MAGI2: variants seen among roughly 807,000 people sequenced by gnomAD.
The protein encoded by MAGI2 is membrane-associated guanylate kinase, WW and PDZ domain-containing protein 2.
In MAGI2, 35 loss-of-function variants were observed where a neutral mutation model predicts 133.3. That is an observed-to-expected ratio of 0.26 (90% confidence interval 0.20 to 0.35). MAGI2 has a LOEUF of 0.35. Ranked by LOEUF, MAGI2 falls within the 10% of genes least tolerant of loss-of-function variation. The pLI is 1.00. For synonymous variants in MAGI2, 729 were observed against 710.6 expected, an observed-to-expected ratio of 1.03 and a Z score of -0.41; for missense variants, 1,636 against 1,863.4, an observed-to-expected ratio of 0.88 and a Z score of 2.25.
At chr7:78,831,857 C>A (rs767980543) in intron 2 of MAGI2, among the ~76,000 whole-genome samples, 2 of 152,122 alleles carry the variant, frequency 1.3e-5, no homozygotes, top group Non-Finnish European at 2.9e-5. Context: ...ACACTTTAAA[C>A]ACTCTCTGAA....
rs1306144777 is a variant in MAGI2, at chr7:78,019,431, G to A, written c.4252C>T (p.Pro1418Ser). ...TTGCGCGCCGGGGCGCCCCCCGGGG[G>A]TCGCGGGCCCGGCCGGGGACCCGCG... ...ARAGPRPGPR[P>S]PGGAPARKAA... is the part of the protein sequence containing the mutation. Residue 1418 changes from proline (P) to serine (S), a missense_variant, in exon 22 of 22, where the codon CCC becomes TCC. Pro to Ser is a moderately conservative substitution (Grantham distance 74). Around this residue, in one of 5 missense-constraint regions of MAGI2, gnomAD observed 354 missense variants for 298.7 expected, o/e 1.19. Transcript: ENST00000354212. The A allele has an allele frequency of 2.9e-6, 3 of 1,041,130 alleles. No individual in the cohort carries two copies. Among genetic ancestry groups the A allele is most frequent in the African/African-American group, 1.7e-5 (1 of 58,022 alleles). 64.5% of individuals were successfully genotyped at this position (1,041,130 alleles called of 1,614,324 possible).
chr7:78,924,853 C>CTACTAT (rs1456345924), intron 2 of MAGI2, among the ~76,000 whole-genome samples: 17 of 148,834 alleles, frequency 1.1e-4, no homozygotes, highest in South Asian at 4.2e-4. Context: ...ATTATTACTA[C>CTACTAT]TATTATTATT....
At chr7:79,397,719 T>G (rs925416313) in intron 1 of MAGI2, among the ~76,000 whole-genome samples, 4 of 152,142 alleles carry the variant, frequency 2.6e-5, no homozygotes, top group Admixed American at 1.3e-4. Flanking sequence ...ACAATTATTT[T>G]GCTTTCATAA....
chr7:78,583,600 G>A (rs1359358494), intron 3 of MAGI2: 1 of 152,066 alleles, frequency 6.6e-6, no homozygotes, highest in African/African-American at 2.4e-5. Flanking sequence ...TCAAGAAACT[G>A]TAAACACATC....
intron 1 of MAGI2, among the ~76,000 whole-genome samples, chr7:79,172,570 A>G (rs192731766): frequency 2.6e-5 from 4 of 152,210 alleles, no homozygotes; most frequent in African/African-American, 7.2e-5. Flanking sequence ...CCATATGAGT[A>G]TCAGAATAGT....
intron 2 of MAGI2, among the ~76,000 whole-genome samples, chr7:78,718,773 G>A (rs935603034): frequency 1.3e-5 from 2 of 151,740 alleles, no homozygotes; most frequent in East Asian, 1.9e-4. Context: ...ATCCATCCCC[G>A]CACCCCCAAC....
intron 1 of MAGI2, among the ~76,000 whole-genome samples, chr7:79,436,091 A>G (rs1330221465): frequency 2.0e-5 from 3 of 152,102 alleles, no homozygotes; most frequent in East Asian, 1.9e-4. Context: ...ATGGATCCCT[A>G]TATATTATCA....
At chr7:78,993,449 TTCAAAACCAAAGGAC>T (rs1805983774) in intron 2 of MAGI2, among the ~76,000 whole-genome samples, 1 of 152,078 alleles carries the variant, frequency 6.6e-6, no homozygotes, top group Non-Finnish European at 1.5e-5. Flanking sequence ...TAAATTTCCT[TTCAAAACCAAAGGAC>T]TTACAGACAC....
chr7:78,898,298 C>G (rs934550460), intron 2 of MAGI2, among the ~76,000 whole-genome samples: 2 of 152,048 alleles, frequency 1.3e-5, no homozygotes, highest in African/African-American at 4.8e-5. Context: ...AGACCTGAAA[C>G]AGAAATGCCA....
At chr7:78,317,146 G>A (rs1787497047) in intron 9 of MAGI2, among the ~76,000 whole-genome samples, 3 of 152,096 alleles carry the variant, frequency 2.0e-5, no homozygotes, top group Admixed American at 2.0e-4. Context: ...ATTTATTCAG[G>A]CTGATTCCCC....
At chr7:78,935,672 G>A (rs1451791134) in intron 2 of MAGI2, among the ~76,000 whole-genome samples, 1 of 152,024 alleles carries the variant, frequency 6.6e-6, no homozygotes, top group Non-Finnish European at 1.5e-5. Flanking sequence ...ACAGCAACTA[G>A]ATTATTCATG....
intron 1 of MAGI2, among the ~76,000 whole-genome samples, chr7:79,171,771 T>TATATATATATATATATATATA (rs1554394312): frequency 5.0e-5 from 1 of 20,054 alleles, no homozygotes; most frequent in African/African-American, 1.6e-4. Context: ...TATATATATA[T>TATATATATATATATATATATA]TTTTTTTTTT....
intron 1 of MAGI2, among the ~76,000 whole-genome samples, chr7:79,101,568 CA>C (rs1455674372): frequency 6.6e-6 from 1 of 151,644 alleles, no homozygotes; most frequent in Non-Finnish European, 1.5e-5. Flanking sequence ...ACTAAAAATA[CA>C]AAAAATTAGG....
chr7:78,574,864 A>G lies in MAGI2; in HGVS notation c.538+52256T>C, dbSNP rs374704076. On this transcript the variant is annotated intron_variant, in intron 3 of 21. Transcript: ENST00000354212. Reference sequence around the variant, plus strand: ...TGAATAACTGTTTTGTATGCAGTGAATAGTTATCATCCAAAAAATCAGCTT... The same window carrying G: ...TGAATAACTGTTTTGTATGCAGTGAGTAGTTATCATCCAAAAAATCAGCTT... Among the ~76,000 whole-genome samples, 69 of 152,350 alleles carry G rather than the reference A, an allele frequency of 4.5e-4. 2 individuals carry two copies. The South Asian group carries it at 0.014, about 31-fold the overall frequency.
chr7:79,352,434 C>G (rs1841753336), intron 1 of MAGI2, among the ~76,000 whole-genome samples: 1 of 152,176 alleles, frequency 6.6e-6, no homozygotes, highest in African/African-American at 2.4e-5. Flanking sequence ...TCAGACTGGT[C>G]AGAGATTGGT....
intron 9 of MAGI2, among the ~76,000 whole-genome samples, chr7:78,326,871 C>G (rs1052921635): frequency 6.6e-6 from 1 of 152,150 alleles, no homozygotes; most frequent in Non-Finnish European, 1.5e-5. Flanking sequence ...CCTTTCCCCT[C>G]CCTTCATTCT....
chr7:79,278,467 G>A (rs1756759693), intron 1 of MAGI2, among the ~76,000 whole-genome samples: 1 of 152,126 alleles, frequency 6.6e-6, no homozygotes, highest in Admixed American at 6.6e-5. Context: ...TTTTGGCAGA[G>A]TTGGTTCAGT....
At chr7:79,123,008 T>C (rs886563471) in intron 1 of MAGI2, among the ~76,000 whole-genome samples, 6 of 152,166 alleles carry the variant, frequency 3.9e-5, no homozygotes, top group African/African-American at 1.4e-4. Context: ...TTAACTTTCT[T>C]CCTGAGCTGA....
chr7:78,191,032 G>A (rs1828158586), intron 12 of MAGI2, among the ~76,000 whole-genome samples: 1 of 152,196 alleles, frequency 6.6e-6, no homozygotes, highest in South Asian at 2.1e-4. Context: ...ATCTTTGGTA[G>A]AGATGGAAGT....
Sources: allele counts gnomAD v4.1 joint callset (sites outside exome capture counted in the v4.1 genomes callset), GRCh38; gene constraint gnomAD v4.1.1; regional missense constraint gnomAD v4.1.1; transcripts MANE v1.5; gene names NCBI Gene and HGNC (gene_info 2026-07-23, HGNC 2026-07-21).